KIAA1210: variants seen among roughly 807,000 people sequenced by gnomAD.
KIAA1210 encodes KIAA1210.
Under a neutral mutation model 78.9 loss-of-function variants are expected in KIAA1210, and 48 were observed. The observed-to-expected ratio is 0.61, with a 90% CI of 0.48 to 0.77. The LOEUF is 0.77. Among genes scored for constraint, KIAA1210 ranks in the 30% least tolerant of loss-of-function variants. The probability of loss-of-function intolerance (pLI) is 0.00; values close to 1 mark genes in which losing one functional copy is unlikely to be tolerated. For synonymous variants in KIAA1210, 406 were observed against 404.5 expected (o/e 1.00, Z -0.04); for missense variants, 1,108 against 1,100.0 (o/e 1.01, Z -0.10).
upstream of KIAA1210, among the ~76,000 whole-genome samples, chrX:119,129,772 G>A (rs1374607805): frequency 9.0e-6 from 1 of 111,062 alleles, no homozygotes; most frequent in East Asian, 2.8e-4. Context: ...GCTAGGTCTG[G>A]ACCCTCATGG....
chrX:119,139,702 T>G (rs893239401), intron 2 of KIAA1210, among the ~76,000 whole-genome samples: 15 of 111,815 alleles, frequency 1.3e-4, no homozygotes, highest in African/African-American at 4.9e-4. Flanking sequence ...CACTTGTACC[T>G]CCTACATCTA....
At chrX:119,090,625 T>C (rs753818506) in intron 8 of KIAA1210, among the ~76,000 whole-genome samples, 2 of 109,986 alleles carry the variant, frequency 1.8e-5, no homozygotes, top group Non-Finnish European at 3.8e-5. Flanking sequence ...GGAGGCAAGA[T>C]TATGGCCCCC....
At chrX:119,133,955 A>T (rs986034197) in intron 2 of KIAA1210, among the ~76,000 whole-genome samples, 1 of 111,450 alleles carries the variant, frequency 9.0e-6, no homozygotes, top group Non-Finnish European at 1.9e-5. Context: ...GTAGATATTC[A>T]TCACCTCAAA....
intron 2 of KIAA1210, chrX:119,147,391 G>A (rs1468375554): frequency 1.8e-6 from 2 of 1,128,238 alleles, no homozygotes; most frequent in East Asian, 6.1e-5. Context: ...TTGCAGCCAA[G>A]GGGAGCAGGC....
At chrX:119,137,496 C>T (rs1928941757) in intron 2 of KIAA1210, among the ~76,000 whole-genome samples, 1 of 112,437 alleles carries the variant, frequency 8.9e-6, no homozygotes, top group African/African-American at 3.2e-5. Flanking sequence ...CCTCTTTGGA[C>T]CTCAGTTCTC....
At chrX:119,129,999 G>A (rs1241941751), upstream of KIAA1210, among the ~76,000 whole-genome samples, 1 of 111,824 alleles carries the variant, frequency 8.9e-6, no homozygotes, top group Non-Finnish European at 1.9e-5. Flanking sequence ...TTCATTGGTA[G>A]TGACCTTGGG....
chrX:119,104,378 G>A (rs187285933), intron 6 of KIAA1210, among the ~76,000 whole-genome samples: 5 of 112,058 alleles, frequency 4.5e-5, no homozygotes, highest in Non-Finnish European at 9.4e-5. Context: ...GTTCTGACTG[G>A]CCAATTCTCT....
At chrX:119,150,262 G>A in intron 1 of KIAA1210, 1 of 1,180,725 alleles carries the variant, frequency 8.5e-7, no homozygotes, top group Non-Finnish European at 1.1e-6. Flanking sequence ...CTCTGTCAAA[G>A]TCAAGGCTGT....
rs772020014 is a variant in KIAA1210 at position 119,088,655 on chromosome X, T to G, written c.2047A>C (p.Lys683Gln). ...CTGCAATCATCAGAAGTGTTGTACT[T>G]TTCAACATAACTGCTTGATTCTGTG... The part of the protein sequence containing the change: ...VFTESSSYVE[K>Q]YNTSDDCSSS... Residue 683 changes from lysine (K) to glutamine (Q), a missense_variant, in exon 9 of 12, where the codon AAG becomes CAG. Physicochemically the swap from Lys to Gln is moderately conservative, Grantham distance 53 (BLOSUM62 1). Around this residue, in one of 5 missense-constraint regions of KIAA1210, gnomAD observed 672 missense variants for 607.1 expected, o/e 1.11. Coordinates refer to ENST00000691062, the MANE Select transcript of KIAA1210 (RefSeq NM_001394962.1). 8.3e-6 allele frequency: 10 copies of G among 1,211,186 alleles called. No homozygotes were observed. The highest frequency in any genetic ancestry group is 1.7e-5 in the African/African-American group (1 of 57,832).
chrX:119,137,590 A>G (rs1197849063), intron 2 of KIAA1210, among the ~76,000 whole-genome samples: 1 of 112,606 alleles, frequency 8.9e-6, no homozygotes, highest in Admixed American at 9.4e-5. Context: ...AGCTTGTCCA[A>G]CCCATGGCTC....
chrX:119,128,349 G>A (rs1456525880), upstream of KIAA1210, among the ~76,000 whole-genome samples: 4 of 110,998 alleles, frequency 3.6e-5, no homozygotes, highest in African/African-American at 1.3e-4. Context: ...CAAGCTGAGA[G>A]TAAAATCCCA....
intron 8 of KIAA1210, among the ~76,000 whole-genome samples, chrX:119,092,759 T>TCAAATAAA (rs746567004): frequency 0.012 from 998 of 85,317 alleles, 12 homozygotes; most frequent in African/African-American, 0.039. Flanking sequence ...AGACTCCGTC[T>TCAAATAAA]TAAATAAATA....
chrX:119,082,168 CA>C (rs1430324814), intron 11 of KIAA1210, among the ~76,000 whole-genome samples: 1 of 111,959 alleles, frequency 8.9e-6, no homozygotes, highest in Non-Finnish European at 1.9e-5. Context: ...TTTCCTGAAG[CA>C]AATGAATTAG....
chrX:119,115,432 G>T (rs1039281475), intron 3 of KIAA1210, among the ~76,000 whole-genome samples: 4 of 111,737 alleles, frequency 3.6e-5, no homozygotes, highest in African/African-American at 1.3e-4. Context: ...AGTATTACTT[G>T]TGAGGTACTA....
chrX:119,087,932 G>A lies in KIAA1210; in HGVS notation c.2770C>T (p.Leu924Phe). 8.3e-7 allele frequency: 1 copy of A among 1,211,831 alleles called. No homozygotes were observed. The highest frequency in any genetic ancestry group is 1.1e-6 in the Non-Finnish European group (1 of 895,427). ...GTAGTGCTTTCTGGATGTGCAGAGA[G>A]TTGATACAGTTCCTCAAATTTAGGG... Reference protein sequence around the residue: ...VTPKFEELYQLSAHPESTTVE... With the variant: ...VTPKFEELYQFSAHPESTTVE... The change falls in exon 9 of 12, where the codon CTC becomes TTC. Residue 924 changes from leucine to phenylalanine, a missense_variant. By Grantham distance (22) the Leu-to-Phe change is conservative. Transcript: ENST00000691062.
intron 2 of KIAA1210, among the ~76,000 whole-genome samples, chrX:119,117,569 CTTT>C (rs754223193): frequency 5.4e-5 from 5 of 91,824 alleles, no homozygotes; most frequent in Admixed American, 1.3e-4. Context: ...TTGGGCTTTA[CTTT>C]TTTTTTTTTT....
upstream of KIAA1210, among the ~76,000 whole-genome samples, chrX:119,127,872 G>A (rs765719489): frequency 1.8e-5 from 2 of 111,439 alleles, no homozygotes; most frequent in East Asian, 2.8e-4. Flanking sequence ...GATTGGCCAC[G>A]CCCTTCTTTT....
chrX:119,142,967 A>T (rs1167107363), intron 2 of KIAA1210, among the ~76,000 whole-genome samples: 1 of 110,853 alleles, frequency 9.0e-6, no homozygotes, highest in African/African-American at 3.3e-5. Flanking sequence ...AACACTGGGG[A>T]TCAGGTTTCG....
chrX:119,136,062 AC>A lies in KIAA1210; in HGVS notation c.410+11410del, dbSNP rs1168221211. Among the ~76,000 whole-genome samples, 92 of 58,080 alleles carry A rather than the reference AC, an allele frequency of 1.6e-3. 1 individual carries two copies. The highest frequency in any genetic ancestry group is 2.6e-3 in the South Asian group (4 of 1,563). The allele number at this position is 58,080 out of a possible 115,157, so 50.4% of individuals were successfully genotyped here. A position where few individuals can be genotyped will look rare whatever the true frequency, so the allele number is the denominator to read the frequency against. On this transcript the variant is annotated intron_variant, in intron 2 of 13. Coordinates refer to the KIAA1210 transcript ENST00000402510. ...GCAAGATTCCATCTAAAACAAACAA[AC>A]AAAAAAAAAGTAGAAGAAAGGGGGT...
Sources: allele counts gnomAD v4.1 joint callset (sites outside exome capture counted in the v4.1 genomes callset), GRCh38; gene constraint gnomAD v4.1.1; regional missense constraint gnomAD v4.1.1; transcripts MANE v1.5; gene names NCBI Gene and HGNC (gene_info 2026-07-23, HGNC 2026-07-21).